Variants in PEPD observed in about 807,000 individuals in gnomAD.
PEPD encodes the protein xaa-Pro dipeptidase.
In PEPD, 53 loss-of-function variants were observed where a neutral mutation model predicts 60.7. The ratio of observed to expected loss-of-function variants is 0.87; its 90% CI spans 0.70 to 1.10. The LOEUF is 1.10. Among genes scored for constraint, PEPD ranks in the 50% least tolerant of loss-of-function variants. The pLI is 0.00. For missense variants in PEPD, 711 were observed against 711.9 expected, an observed-to-expected ratio of 1.00 and a Z score of 0.01; for synonymous variants, 267 against 284.1, an observed-to-expected ratio of 0.94 and a Z score of 0.60.
chr19:33,387,800 T>G, intron 14 of PEPD, 90 bp downstream of exon 14: 1 of 1,118,736 alleles, frequency 8.9e-7, no homozygotes, highest in Non-Finnish European at 1.3e-6. Flanking sequence ...AAGATGTCAC[T>G]AGGGCCCCTG....
At chr19:33,509,205 T>C (rs1970873657) in intron 3 of PEPD, among the ~76,000 whole-genome samples, 1 of 152,144 alleles carries the variant, frequency 6.6e-6, no homozygotes, top group African/African-American at 2.4e-5. Context: ...GGGAAGGCAT[T>C]GTCAGGCCAG....
chr19:33,413,809 G>T (rs552345272), intron 9 of PEPD, among the ~76,000 whole-genome samples, 166 bp from the exon 10 acceptor site: 29 of 152,360 alleles, frequency 1.9e-4, no homozygotes, highest in African/African-American at 7.0e-4. Context: ...CAGCCTGGGG[G>T]TCAGTCATAG....
intron 9 of PEPD, among the ~76,000 whole-genome samples, chr19:33,460,591 C>T (rs961535073): frequency 1.3e-5 from 2 of 152,200 alleles, no homozygotes; most frequent in African/African-American, 4.8e-5. Context: ...TCCCCGTACC[C>T]ACCCCCCTGC....
At chr19:33,472,425 C>T (rs944182353) in intron 7 of PEPD, among the ~76,000 whole-genome samples, 17 of 152,204 alleles carry the variant, frequency 1.1e-4, no homozygotes, top group Non-Finnish European at 1.3e-4. Context: ...AGAGAGTCCC[C>T]AGCTCATGGC....
chr19:33,394,560 G>A (rs982367518), intron 12 of PEPD, among the ~76,000 whole-genome samples: 5 of 152,236 alleles, frequency 3.3e-5, no homozygotes, highest in South Asian at 2.1e-4. Context: ...CCTCTGGCCC[G>A]GATGGTGGTT....
rs1187236206 is a variant in PEPD at position 33,480,836 on chromosome 19, G to A, written c.504-2746C>T. On this transcript the variant is annotated intron_variant, in intron 6 of 14. Coordinates refer to ENST00000244137, the MANE Select transcript of PEPD (RefSeq NM_000285.4). ...AGCGTGTGTGTGTGTGTGTGTGTGT[G>A]TGTGTATATCAAAAACCTAACACGT... Among the ~76,000 whole-genome samples the A allele has an allele frequency of 2.9e-3, 360 of 125,354 alleles. 1 individual carries two copies. Among genetic ancestry groups the A allele is most frequent in the African/African-American group, 8.0e-3 (294 of 36,824 alleles). 82.2% of individuals were successfully genotyped at this position (125,354 alleles called of 152,430 possible).
intron 5 of PEPD, among the ~76,000 whole-genome samples, chr19:33,491,837 C>T (rs1417277467): frequency 1.3e-5 from 2 of 152,140 alleles, no homozygotes; most frequent in African/African-American, 4.8e-5. Context: ...AGTATAAGCA[C>T]ATCAGGGCAA....
At chr19:33,504,095 T>G (rs1358979912) in intron 3 of PEPD, among the ~76,000 whole-genome samples, 3 of 152,228 alleles carry the variant, frequency 2.0e-5, no homozygotes, top group Non-Finnish European at 2.9e-5. Flanking sequence ...GTGCATTGCA[T>G]TCTCTTTTAA....
chr19:33,507,172 C>T (rs927365090), intron 3 of PEPD, among the ~76,000 whole-genome samples: 6 of 152,116 alleles, frequency 3.9e-5, no homozygotes, highest in Non-Finnish European at 5.9e-5. Context: ...TACCCAGAGC[C>T]GGGGACGGAA....
intron 9 of PEPD, among the ~76,000 whole-genome samples, chr19:33,439,568 A>T (rs1969445844): frequency 6.6e-6 from 1 of 152,216 alleles, no homozygotes. Context: ...CTGCCCGGCA[A>T]TGCCTCTGGG....
At chr19:33,460,650 G>A (rs1380446410) in intron 9 of PEPD, among the ~76,000 whole-genome samples, 4 of 152,120 alleles carry the variant, frequency 2.6e-5, no homozygotes, top group East Asian at 1.9e-4. Context: ...TGGTGGGCAC[G>A]GTTTCCCCTC....
intron 6 of PEPD, among the ~76,000 whole-genome samples, chr19:33,485,338 C>A (rs1242954197): frequency 6.6e-6 from 1 of 151,926 alleles, no homozygotes; most frequent in Non-Finnish European, 1.5e-5. Flanking sequence ...ACTAAAAATA[C>A]AAAAATTAGC....
intron 5 of PEPD, among the ~76,000 whole-genome samples, 180 bp from the exon 6 acceptor site, chr19:33,490,237 T>C (rs190601362): frequency 6.6e-6 from 1 of 152,176 alleles, no homozygotes; most frequent in East Asian, 1.9e-4. Flanking sequence ...AGGACAGACC[T>C]CTTTGCTACC....
intron 3 of PEPD, among the ~76,000 whole-genome samples, chr19:33,508,644 A>G (rs1209259711): frequency 6.6e-6 from 1 of 152,144 alleles, no homozygotes; most frequent in African/African-American, 2.4e-5. Context: ...GCGCTTCCTC[A>G]TGATGTGGCG....
intron 9 of PEPD, among the ~76,000 whole-genome samples, chr19:33,447,184 A>G (rs766674781): frequency 6.6e-6 from 1 of 152,162 alleles, no homozygotes; most frequent in Non-Finnish European, 1.5e-5. Flanking sequence ...CCACTCACCA[A>G]TGAGGGGACC....
At chr19:33,512,822 T>A (rs751350832) in intron 1 of PEPD, 46 bp from the exon 2 acceptor site, 5 of 1,602,780 alleles carry the variant, frequency 3.1e-6, no homozygotes, top group Non-Finnish European at 3.4e-6. Context: ...TCTGTTAGCA[T>A]CTCCAAGCAT....
intron 9 of PEPD, among the ~76,000 whole-genome samples, chr19:33,431,845 T>C (rs1969279646): frequency 6.6e-6 from 1 of 150,864 alleles, no homozygotes; most frequent in South Asian, 2.1e-4. Context: ...ATACAAAAAT[T>C]AGGCAGGTGT....
intron 7 of PEPD, among the ~76,000 whole-genome samples, chr19:33,471,335 G>C (rs577911502): frequency 8.5e-5 from 13 of 152,140 alleles, no homozygotes; most frequent in African/African-American, 3.1e-4. Context: ...GCCTGGCCTG[G>C]TTATCTCACA....
At chr19:33,510,798 C>T (rs560105917) in intron 3 of PEPD, among the ~76,000 whole-genome samples, 1 of 152,322 alleles carries the variant, frequency 6.6e-6, no homozygotes, top group Non-Finnish European at 1.5e-5. Flanking sequence ...AACAATTTCT[C>T]AATAACTCCT....
Sources: allele counts gnomAD v4.1 joint callset (sites outside exome capture counted in the v4.1 genomes callset), GRCh38; gene constraint gnomAD v4.1.1; transcripts MANE v1.5; gene names NCBI Gene and HGNC (gene_info 2026-07-23, HGNC 2026-07-21).